The following PLCB4 variants were observed in gnomAD, a reference collection of about 807,000 sequenced individuals.
The protein encoded by PLCB4 is phospholipase C beta 4.
In PLCB4, 77 loss-of-function variants were observed where a neutral mutation model predicts 178.8. The observed-to-expected ratio is 0.43, with a 90% CI of 0.36 to 0.52. The LOEUF (loss-of-function observed/expected upper bound fraction) is 0.52, where lower values mean the gene tolerates loss of function less well. Among genes scored for constraint, PLCB4 ranks in the 20% least tolerant of loss-of-function variants. PLCB4 has a pLI of 0.00. For missense variants in PLCB4, 1,024 were observed against 1,453.4 expected, an observed-to-expected ratio of 0.70 and a Z score of 4.80; for synonymous variants, 496 against 490.8, an observed-to-expected ratio of 1.01 and a Z score of -0.14.
rs1298682306 is a variant in PLCB4 at position 9,437,034 on chromosome 20, C to G, written c.2646C>G (p.Ser882=). 6.2e-7 allele frequency: 1 copy of G among 1,613,946 alleles called. No homozygotes were observed. Among genetic ancestry groups the G allele is most frequent in the Non-Finnish European group, 8.5e-7 (1 of 1,179,940 alleles). ...TAGCCGACGTGCCCAGTGACACTTC[C>G]AAAAATGACAAGAAAGGAAAGGCCA... ...SDIADVPSDT[S]KNDKKGKANT... is the part of the protein sequence containing the mutation. Residue 882 remains serine, a synonymous_variant, in exon 30 of 40, where the codon TCC becomes TCG. Transcript: ENST00000378473.
At chr20:9,216,525 A>T (rs778669510) in intron 2 of PLCB4, among the ~76,000 whole-genome samples, 1 of 148,720 alleles carries the variant, frequency 6.7e-6, no homozygotes, top group Non-Finnish European at 1.5e-5. Context: ...CCTGAGATGG[A>T]GTTTTACTCC....
chr20:9,073,928 T>A (rs952303807), intron 1 of PLCB4, among the ~76,000 whole-genome samples: 2 of 152,214 alleles, frequency 1.3e-5, no homozygotes, highest in Middle Eastern at 3.4e-3. Context: ...GAAAAGGGTC[T>A]TTAAGATTTA....
At chr20:9,263,079 C>T (rs2094314218) in intron 3 of PLCB4, among the ~76,000 whole-genome samples, 1 of 152,110 alleles carries the variant, frequency 6.6e-6, no homozygotes, top group African/African-American at 2.4e-5. Context: ...TCAGGCAGCT[C>T]TTAACTAGCA....
intron 8 of PLCB4, among the ~76,000 whole-genome samples, chr20:9,365,018 C>T (rs1383873029): frequency 6.6e-6 from 1 of 152,144 alleles, no homozygotes; most frequent in African/African-American, 2.4e-5. Flanking sequence ...TTGCATTTCC[C>T]ACCACCTTAA....
At chr20:9,248,966 C>T (rs1419041241) in intron 3 of PLCB4, among the ~76,000 whole-genome samples, 2 of 152,158 alleles carry the variant, frequency 1.3e-5, no homozygotes, top group Non-Finnish European at 2.9e-5. Context: ...CTGAGGGGGA[C>T]CCTTTCCTTC....
intron 28 of PLCB4, among the ~76,000 whole-genome samples, chr20:9,427,277 G>A (rs1259415088): frequency 1.3e-5 from 2 of 151,750 alleles, no homozygotes; most frequent in Non-Finnish European, 2.9e-5. Flanking sequence ...AGAAATAACA[G>A]AGCAGTGATG....
intron 2 of PLCB4, among the ~76,000 whole-genome samples, chr20:9,176,825 A>G (rs1163393086): frequency 1.3e-5 from 2 of 152,034 alleles, no homozygotes; most frequent in Non-Finnish European, 2.9e-5. Context: ...AATAATAGAA[A>G]CTCTAACATG....
chr20:9,408,357 CA>C (rs959136492), intron 22 of PLCB4, among the ~76,000 whole-genome samples: 4 of 141,120 alleles, frequency 2.8e-5, no homozygotes, highest in African/African-American at 5.8e-5. Context: ...AGCTGGTTTT[CA>C]AAAAAACATA....
At chr20:9,361,952 C>T (rs1397648645) in intron 7 of PLCB4, among the ~76,000 whole-genome samples, 3 of 152,200 alleles carry the variant, frequency 2.0e-5, no homozygotes, top group South Asian at 2.1e-4. Context: ...CTAGTGGATA[C>T]CATACTAGAC....
intron 30 of PLCB4, 46 bp from the exon 31 acceptor site, chr20:9,443,935 C>A (rs937641061): frequency 8.2e-6 from 9 of 1,096,036 alleles, no homozygotes; most frequent in Non-Finnish European, 1.2e-5. Context: ...GTTATTCTCT[C>A]TGATTTTTAG....
At chr20:9,133,220 G>T (rs547517504) in intron 2 of PLCB4, among the ~76,000 whole-genome samples, 1 of 152,006 alleles carries the variant, frequency 6.6e-6, no homozygotes, top group African/African-American at 2.4e-5. Flanking sequence ...TTTTATCATT[G>T]TGCTTTGTGC....
At chr20:9,469,004 G>A (rs1295393606) in intron 36 of PLCB4, among the ~76,000 whole-genome samples, 1 of 149,108 alleles carries the variant, frequency 6.7e-6, no homozygotes, top group Non-Finnish European at 1.5e-5. Flanking sequence ...TTTGTTTTGA[G>A]ATGGAGTCTT....
intron 2 of PLCB4, among the ~76,000 whole-genome samples, chr20:9,141,540 A>G (rs2092490780): frequency 6.6e-6 from 1 of 152,104 alleles, no homozygotes; most frequent in Non-Finnish European, 1.5e-5. Context: ...CCACTTTTAG[A>G]TTGAGATAAA....
chr20:9,116,093 T>C (rs2091768095), intron 2 of PLCB4, among the ~76,000 whole-genome samples: 1 of 152,076 alleles, frequency 6.6e-6, no homozygotes, highest in South Asian at 2.1e-4. Context: ...TAATTTTGTA[T>C]TATTCTTCAC....
At chr20:9,263,503 C>G (rs927685363) in intron 3 of PLCB4, among the ~76,000 whole-genome samples, 32 of 152,114 alleles carry the variant, frequency 2.1e-4, no homozygotes, top group African/African-American at 7.5e-4. Flanking sequence ...CTTCCCTAGG[C>G]CTATTGTGTT....
chr20:9,231,978 A>G (rs146684320), intron 3 of PLCB4, among the ~76,000 whole-genome samples: 2 of 152,342 alleles, frequency 1.3e-5, no homozygotes, highest in East Asian at 3.9e-4. Flanking sequence ...TAAAAAAGCA[A>G]TAGGTCATTG....
At chr20:9,141,143 C>T (rs1385270087) in intron 2 of PLCB4, among the ~76,000 whole-genome samples, 2 of 152,124 alleles carry the variant, frequency 1.3e-5, no homozygotes, top group Non-Finnish European at 2.9e-5. Flanking sequence ...TTTCTTTATG[C>T]TTCTACCACC....
chr20:9,407,868 G>A (rs1486112553), intron 21 of PLCB4, 49 bp from the exon 22 acceptor site: 2 of 1,519,554 alleles, frequency 1.3e-6, no homozygotes, highest in South Asian at 2.5e-5. Context: ...CGTATCCGTG[G>A]GTCCTACTGA....
intron 38 of PLCB4, among the ~76,000 whole-genome samples, chr20:9,474,949 A>G (rs1361419056): frequency 6.6e-6 from 1 of 152,212 alleles, no homozygotes; most frequent in Non-Finnish European, 1.5e-5. Flanking sequence ...CAAGTTACCT[A>G]GCTTATGTTT....
Sources: gnomAD v4.1 joint callset for allele counts (sites outside exome capture counted in the v4.1 genomes callset) on GRCh38, gnomAD v4.1.1 for gene constraint, MANE v1.5 for transcripts, NCBI Gene and HGNC (gene_info 2026-07-23, HGNC 2026-07-21) for gene names.